The following NAV2 variants were observed in gnomAD, a reference collection of about 807,000 sequenced individuals.
The protein encoded by NAV2 is neuron navigator 2, also known as helicase, APC down-regulated 1.
NAV2 carries 54 observed loss-of-function variants against 223.2 expected under a neutral mutation model. The observed-to-expected ratio is 0.24, with a 90% CI of 0.19 to 0.30. The LOEUF is 0.30. NAV2 is among the 10% of genes least tolerant of loss of function. The probability of loss-of-function intolerance (pLI) is 1.00; values close to 1 mark genes in which losing one functional copy is unlikely to be tolerated. For synonymous variants in NAV2, 1,279 were observed against 1,239.3 expected, an observed-to-expected ratio of 1.03 and a Z score of -0.67; for missense variants, 2,806 against 3,147.5, an observed-to-expected ratio of 0.89 and a Z score of 2.60.
chr11:19,779,023 T>C (rs2056518940), intron 1 of NAV2, among the ~76,000 whole-genome samples: 2 of 152,168 alleles, frequency 1.3e-5, no homozygotes, highest in East Asian at 3.8e-4. Context: ...TGGAGCTTGG[T>C]GGCAGGTGGC....
chr11:19,956,266 T>G (rs1168698594), intron 10 of NAV2, among the ~76,000 whole-genome samples: 2 of 152,178 alleles, frequency 1.3e-5, no homozygotes, highest in Non-Finnish European at 2.9e-5. Context: ...CTGAACATCC[T>G]ATAATTCAAT....
intron 1 of NAV2, among the ~76,000 whole-genome samples, chr11:19,705,454 A>C (rs2049633783): frequency 6.6e-6 from 1 of 152,192 alleles, no homozygotes; most frequent in South Asian, 2.1e-4. Flanking sequence ...TTGCCTGGTC[A>C]TTCTATCTCA....
At chr11:19,684,353 G>T (rs577965861) in intron 1 of NAV2, among the ~76,000 whole-genome samples, 3 of 152,208 alleles carry the variant, frequency 2.0e-5, no homozygotes, top group South Asian at 4.2e-4. Context: ...ATGCCCAGCA[G>T]GAGGTATCTG....
At chr11:20,093,265 T>C (rs1263357605) in intron 29 of NAV2, 66 bp downstream of exon 29, 1 of 1,071,218 alleles carries the variant, frequency 9.3e-7, no homozygotes, top group Admixed American at 1.8e-5. Context: ...AGCTTAGTGA[T>C]CTAATTGTAA....
At chr11:19,827,387 T>G (rs2059694838) in intron 1 of NAV2, among the ~76,000 whole-genome samples, 1 of 152,212 alleles carries the variant, frequency 6.6e-6, no homozygotes, top group Non-Finnish European at 1.5e-5. Context: ...TCCTGATACC[T>G]GTCCCGAGGT....
chr11:19,728,365 C>T (rs1048279547), intron 1 of NAV2, among the ~76,000 whole-genome samples: 4 of 152,218 alleles, frequency 2.6e-5, no homozygotes, highest in African/African-American at 9.6e-5. Context: ...TGATGTCTCC[C>T]ATAGATTCAG....
At chr11:19,345,884 G>A (rs1446624849), upstream of NAV2, among the ~76,000 whole-genome samples, 3 of 152,170 alleles carry the variant, frequency 2.0e-5, no homozygotes, top group Non-Finnish European at 1.5e-5. The surrounding 1 kb of genome is among the most constrained non-coding windows in gnomAD (Gnocchi z 5.2). Context: ...CCCTCTGCGT[G>A]ATTGTGTCTC....
intron 1 of NAV2, among the ~76,000 whole-genome samples, chr11:19,375,733 C>T (rs1848620478): frequency 6.6e-6 from 1 of 152,168 alleles, no homozygotes. Flanking sequence ...CCTAATAAAA[C>T]ACTGAACTGC....
chr11:19,550,127 G>A (rs1047373826), intron 1 of NAV2, among the ~76,000 whole-genome samples: 8 of 152,142 alleles, frequency 5.3e-5, no homozygotes, highest in East Asian at 1.9e-4. Flanking sequence ...TCTAATACCC[G>A]GAGGCAGCCA....
At chr11:19,926,180 T>TAA (rs963709155) in intron 6 of NAV2, among the ~76,000 whole-genome samples, 2 of 152,304 alleles carry the variant, frequency 1.3e-5, no homozygotes, top group African/African-American at 4.8e-5. Context: ...CATTTGATTA[T>TAA]AAAAAAACCA....
chr11:20,019,298 G>T (rs1591685208), intron 11 of NAV2, among the ~76,000 whole-genome samples: 1 of 152,288 alleles, frequency 6.6e-6, no homozygotes, highest in East Asian at 1.9e-4. Context: ...TAGGCAAAAG[G>T]CCTTCTTAAT....
At chr11:19,707,364 C>CT (rs1248356488) in intron 1 of NAV2, among the ~76,000 whole-genome samples, 2 of 152,276 alleles carry the variant, frequency 1.3e-5, no homozygotes, top group African/African-American at 4.8e-5. Context: ...AAAATATTTT[C>CT]TTTATATCTT....
chr11:19,866,852 G>A (rs200092768), intron 3 of NAV2, among the ~76,000 whole-genome samples: 4 of 152,090 alleles, frequency 2.6e-5, no homozygotes, highest in East Asian at 3.9e-4. Context: ...ATTCCGGGAT[G>A]GTGAGCTTTT....
At chr11:19,652,913 T>C (rs532332122) in intron 1 of NAV2, among the ~76,000 whole-genome samples, 3 of 152,252 alleles carry the variant, frequency 2.0e-5, no homozygotes, top group Non-Finnish European at 4.4e-5. Flanking sequence ...CTACAATTTA[T>C]TTAACCAGTT....
chr11:19,845,929 T>G (rs11605278), intron 3 of NAV2, among the ~76,000 whole-genome samples: 16,717 of 152,092 alleles, frequency 0.11, 1,201 homozygotes, highest in Non-Finnish European at 0.17. Context: ...AATACACAGG[T>G]GACCAAGATG....
At chr11:20,094,684 T>C (rs2153689557) in intron 29 of NAV2, among the ~76,000 whole-genome samples, 1 of 152,276 alleles carries the variant, frequency 6.6e-6, no homozygotes, top group South Asian at 2.1e-4. Flanking sequence ...CCAGGTGAGG[T>C]TGGTTGACCA....
At chr11:19,973,790 G>A (rs931477429) in intron 10 of NAV2, among the ~76,000 whole-genome samples, 2 of 152,174 alleles carry the variant, frequency 1.3e-5, no homozygotes, top group Admixed American at 6.5e-5. Context: ...CAGAGGAAGA[G>A]CATCTGATTA....
At chr11:19,395,991 G>A (rs1435567687) in intron 1 of NAV2, among the ~76,000 whole-genome samples, 1 of 152,152 alleles carries the variant, frequency 6.6e-6, no homozygotes, top group African/African-American at 2.4e-5. Flanking sequence ...CCTCAGGCAG[G>A]ACTTGGGAAT....
chr11:19,353,277 T>A (rs1031392254), intron 1 of NAV2, among the ~76,000 whole-genome samples: 1 of 152,220 alleles, frequency 6.6e-6, no homozygotes, highest in South Asian at 2.1e-4. Flanking sequence ...GATCCAATTT[T>A]GCTGTATTTC....
Sources: gnomAD v4.1 joint callset for allele counts (sites outside exome capture counted in the v4.1 genomes callset) on GRCh38, gnomAD v4.1.1 for gene constraint, Gnocchi (gnomAD v3.1) non-coding constraint, MANE v1.5 for transcripts, NCBI Gene and HGNC (gene_info 2026-07-23, HGNC 2026-07-21) for gene names.